ZC3H13: variants seen among roughly 807,000 people sequenced by gnomAD.
ZC3H13 encodes zinc finger CCCH domain-containing protein 13.
A neutral mutation model predicts 204.1 loss-of-function variants in ZC3H13; 64 were observed. The ratio of observed to expected loss-of-function variants is 0.31; its 90% CI spans 0.26 to 0.39. The LOEUF (loss-of-function observed/expected upper bound fraction) is 0.39, where lower values mean the gene tolerates loss of function less well. ZC3H13 is among the 10% of genes least tolerant of loss of function. The pLI is 1.00. For synonymous variants in ZC3H13, 667 were observed against 693.7 expected (o/e 0.96, Z 0.60); for missense variants, 1,833 against 2,082.7 (o/e 0.88, Z 2.33).
intron 4 of ZC3H13, among the ~76,000 whole-genome samples, chr13:46,033,594 T>A (rs1302117543): frequency 6.6e-6 from 1 of 152,120 alleles, no homozygotes; most frequent in Non-Finnish European, 1.5e-5. Flanking sequence ...AAAGAGAAGA[T>A]CTATACGCAT....
rs1951208959 is a variant in ZC3H13 at position 45,955,026 on chromosome 13, TTATC to T, written c.*2097_*2100del. On this transcript the variant is annotated 3_prime_UTR_variant, in exon 19 of 19. Transcript: ENST00000679008. ...TGGATTGCAGACATACTCTTGCCCT[TTATC>T]TATCTACACAATTCCTTATTACCAG... is the stretch of plus-strand genomic sequence containing the variant. 6.6e-6 allele frequency: 1 copy of T among 152,118 alleles called. No individual in the cohort carries two copies. Among genetic ancestry groups the T allele is most frequent in the Non-Finnish European group, 1.5e-5 (1 of 68,010 alleles). 9.4% of individuals were successfully genotyped at this position (152,118 alleles called of 1,614,324 possible).
chr13:46,015,029 C>T (rs939350615), intron 5 of ZC3H13, among the ~76,000 whole-genome samples: 1 of 152,094 alleles, frequency 6.6e-6, no homozygotes. Flanking sequence ...TTGATATATA[C>T]TTTGGTTCAA....
intron 5 of ZC3H13, among the ~76,000 whole-genome samples, chr13:46,013,762 T>G (rs1275835504): frequency 6.6e-6 from 1 of 152,208 alleles, no homozygotes; most frequent in African/African-American, 2.4e-5. Context: ...AAATGATTGT[T>G]AAGTCATCAG....
chr13:45,970,073 C>T, intron 13 of ZC3H13, 102 bp from the exon 14 acceptor site: 1 of 1,415,180 alleles, frequency 7.1e-7, no homozygotes. Context: ...AATCCCAGGA[C>T]TTTGGGAGGC....
At chr13:45,972,888 G>A (rs1240518684) in intron 12 of ZC3H13, among the ~76,000 whole-genome samples, 1 of 152,206 alleles carries the variant, frequency 6.6e-6, no homozygotes, top group Non-Finnish European at 1.5e-5. Flanking sequence ...GCAAAGCAGA[G>A]TTTAGACTAC....
At chr13:46,008,789 C>T (rs143320666) in intron 7 of ZC3H13, among the ~76,000 whole-genome samples, 24 of 152,184 alleles carry the variant, frequency 1.6e-4, no homozygotes, top group African/African-American at 5.1e-4. Context: ...CTTCAATATA[C>T]CTTTGCAATA....
chr13:46,024,108 A>G (rs1241326756), intron 4 of ZC3H13, among the ~76,000 whole-genome samples: 4 of 152,206 alleles, frequency 2.6e-5, no homozygotes, highest in African/African-American at 9.6e-5. Context: ...TCCCCAAATC[A>G]CAATGCTGAT....
intron 8 of ZC3H13, among the ~76,000 whole-genome samples, chr13:45,994,626 C>A (rs927093428): frequency 6.6e-6 from 1 of 152,128 alleles, no homozygotes; most frequent in Non-Finnish European, 1.5e-5. Context: ...TCCTGCCGCA[C>A]GCATGTGGAT....
intron 4 of ZC3H13, among the ~76,000 whole-genome samples, chr13:46,022,346 A>G (rs1208473435): frequency 1.3e-5 from 2 of 151,926 alleles, no homozygotes; most frequent in African/African-American, 4.8e-5. Flanking sequence ...ATTTATTAAG[A>G]AGGTCTAGCT....
chr13:46,026,877 C>A (rs537804140), intron 4 of ZC3H13, among the ~76,000 whole-genome samples: 2 of 151,758 alleles, frequency 1.3e-5, no homozygotes, highest in African/African-American at 2.4e-5. Flanking sequence ...TCAACAACAA[C>A]AAAAAAATAA....
intron 18 of ZC3H13, among the ~76,000 whole-genome samples, chr13:45,958,974 T>C (rs1304333992): frequency 1.3e-5 from 2 of 152,146 alleles, no homozygotes; most frequent in Non-Finnish European, 2.9e-5. Flanking sequence ...GTTTCTTAAC[T>C]TTAAAGAGTC....
chr13:46,001,976 TAG>T (rs1199179344), intron 8 of ZC3H13, among the ~76,000 whole-genome samples: 5 of 144,274 alleles, frequency 3.5e-5, no homozygotes, highest in Non-Finnish European at 7.6e-5. Context: ...ACATATGGAA[TAG>T]GAAAAAATAT....
chr13:46,022,871 A>G (rs1300832780), intron 4 of ZC3H13, among the ~76,000 whole-genome samples: 9 of 151,444 alleles, frequency 5.9e-5, no homozygotes, highest in African/African-American at 2.2e-4. Context: ...ATTTATTTCA[A>G]TTAAGACCAG....
rs2044572985 is a variant in ZC3H13, at chr13:46,052,695, T to C, written c.-301A>G. ...GATTAAGAAAAGGCAACAAAAACACTACCAGGCCGCTAGGAGGACCGCCTC... is the reference window on the plus strand; with the variant it reads ...GATTAAGAAAAGGCAACAAAAACACCACCAGGCCGCTAGGAGGACCGCCTC... On this transcript the variant is annotated 5_prime_UTR_variant, in exon 1 of 19. Coordinates refer to ENST00000679008, the MANE Select transcript of ZC3H13 (RefSeq NM_001330564.2). 5.0e-6 allele frequency: 2 copies of C among 398,384 alleles called. No individual in the cohort carries two copies. Among genetic ancestry groups the C allele is most frequent in the African/African-American group, 2.1e-5 (1 of 48,730 alleles). 24.7% of individuals were successfully genotyped at this position (398,384 alleles called of 1,614,324 possible).
rs554065689 is a variant in ZC3H13, at chr13:46,016,706, T to C, written c.448+3743A>G. ...ACATCCAATGGGTTGGACACATGTA[T>C]TGTGCATTCCTCTGAACGTATAGTA... is the stretch of plus-strand genomic sequence containing the variant. On this transcript the variant is annotated intron_variant, in intron 5 of 18. Transcript: ENST00000679008. Among the ~76,000 whole-genome samples, 4 of 152,288 alleles carry C rather than the reference T, an allele frequency of 2.6e-5. No homozygotes were observed. In the South Asian group the frequency reaches 6.2e-4, roughly 24 times the overall value.
At chr13:46,049,240 G>T (rs966502335) in intron 1 of ZC3H13, among the ~76,000 whole-genome samples, 3 of 151,692 alleles carry the variant, frequency 2.0e-5, no homozygotes, top group African/African-American at 7.3e-5. Flanking sequence ...ATCTGAGTAT[G>T]CGGTCTGGGT....
intron 15 of ZC3H13, among the ~76,000 whole-genome samples, chr13:45,966,780 C>T (rs1407823260): frequency 6.6e-6 from 1 of 151,682 alleles, no homozygotes; most frequent in Non-Finnish European, 1.5e-5. Context: ...AAGGCTTCAT[C>T]GAGAAAATAA....
At chr13:45,993,818 TG>T (rs1388127849) in intron 8 of ZC3H13, among the ~76,000 whole-genome samples, 3 of 152,236 alleles carry the variant, frequency 2.0e-5, no homozygotes, top group Non-Finnish European at 4.4e-5. Flanking sequence ...GACACTTGTC[TG>T]TGGGAATCTT....
intron 12 of ZC3H13, among the ~76,000 whole-genome samples, chr13:45,972,681 C>T (rs1952683549): frequency 6.6e-6 from 1 of 152,164 alleles, no homozygotes; most frequent in South Asian, 2.1e-4. Context: ...AATATGACAA[C>T]TCACAGGCCC....
Sources: allele counts gnomAD v4.1 joint callset (sites outside exome capture counted in the v4.1 genomes callset), GRCh38; gene constraint gnomAD v4.1.1; transcripts MANE v1.5; gene names NCBI Gene and HGNC (gene_info 2026-07-23, HGNC 2026-07-21).